GAB2: variants seen among roughly 807,000 people sequenced by gnomAD.
The protein encoded by GAB2 is GRB2 associated binding protein 2.
GAB2 carries 26 observed loss-of-function variants against 65.5 expected under a neutral mutation model. The observed-to-expected ratio is 0.40, with a 90% CI of 0.29 to 0.55. The LOEUF is 0.55. Ranked by LOEUF, GAB2 falls within the 20% of genes least tolerant of loss-of-function variation. The pLI is 0.53. For missense variants in GAB2, 884 were observed against 875.8 expected (o/e 1.01, Z -0.12); for synonymous variants, 321 against 329.6 (o/e 0.97, Z 0.28).
chr11:78,389,895 G>A (rs1292591874), intron 1 of GAB2, among the ~76,000 whole-genome samples: 1 of 152,108 alleles, frequency 6.6e-6, no homozygotes, highest in Non-Finnish European at 1.5e-5. Context: ...TGAAGTTCTT[G>A]CACACAGCAG....
At chr11:78,259,964 A>G (rs1346902530) in intron 2 of GAB2, among the ~76,000 whole-genome samples, 2 of 152,234 alleles carry the variant, frequency 1.3e-5, no homozygotes, top group Non-Finnish European at 2.9e-5. Flanking sequence ...TCAGGACACT[A>G]ACTGGACCAG....
At chr11:78,313,518 C>G (rs1855541668) in intron 1 of GAB2, among the ~76,000 whole-genome samples, 1 of 152,214 alleles carries the variant, frequency 6.6e-6, no homozygotes, top group Non-Finnish European at 1.5e-5. Context: ...TGCCCCACCT[C>G]AGGATCACCA....
chr11:78,222,083 AC>A, intron 7 of GAB2, 21 bp downstream of exon 7: 1 of 1,518,226 alleles, frequency 6.6e-7, no homozygotes, highest in Non-Finnish European at 9.2e-7. Flanking sequence ...CCAAGCTCCC[AC>A]CCCCACACAT....
At chr11:78,417,608 C>T (rs557826622) in intron 1 of GAB2, 38 bp downstream of exon 1, 6 of 1,205,918 alleles carry the variant, frequency 5.0e-6, no homozygotes, top group Non-Finnish European at 6.5e-6. Context: ...CCCCGGAGCG[C>T]CCCCCGCCCG....
chr11:78,266,605 T>C (rs772810298), intron 2 of GAB2, among the ~76,000 whole-genome samples: 47 of 152,318 alleles, frequency 3.1e-4, no homozygotes, highest in Non-Finnish European at 5.0e-4. Context: ...ACCCCCAATT[T>C]TTTATCTGGT....
chr11:78,292,027 T>TGAGA (rs1176415934), intron 1 of GAB2, among the ~76,000 whole-genome samples: 35 of 141,684 alleles, frequency 2.5e-4, no homozygotes, highest in African/African-American at 6.2e-4. Flanking sequence ...TGTGTGTGTG[T>TGAGA]GTGAGAGAGA....
At chr11:78,353,194 A>C (rs374027053) in intron 1 of GAB2, among the ~76,000 whole-genome samples, 14 of 152,170 alleles carry the variant, frequency 9.2e-5, no homozygotes, top group African/African-American at 2.9e-4. Flanking sequence ...TAATCCCAGC[A>C]CTTTGGGAGG....
chr11:78,381,149 C>A (rs1415504417), intron 1 of GAB2, among the ~76,000 whole-genome samples: 1 of 152,194 alleles, frequency 6.6e-6, no homozygotes, highest in African/African-American at 2.4e-5. Flanking sequence ...TTGAAGATCA[C>A]CTGCTCCTTT....
intron 1 of GAB2, among the ~76,000 whole-genome samples, chr11:78,322,061 C>G (rs1465570901): frequency 1.3e-5 from 2 of 151,962 alleles, no homozygotes; most frequent in Middle Eastern, 3.4e-3. Context: ...TCCCAGCACT[C>G]TGGGAGGCCG....
At chr11:78,242,142 G>A (rs914079988) in intron 3 of GAB2, among the ~76,000 whole-genome samples, 1 of 152,148 alleles carries the variant, frequency 6.6e-6, no homozygotes, top group Non-Finnish European at 1.5e-5. Flanking sequence ...TTTCAAAATT[G>A]TACAAATACA....
intron 1 of GAB2, among the ~76,000 whole-genome samples, chr11:78,414,957 A>G (rs1857175489): frequency 6.6e-6 from 1 of 152,068 alleles, no homozygotes; most frequent in Non-Finnish European, 1.5e-5. Context: ...CTGCAACCTC[A>G]GCCTCCCGGG....
At chr11:78,345,055 G>GA (rs1300887743) in intron 1 of GAB2, among the ~76,000 whole-genome samples, 1 of 152,188 alleles carries the variant, frequency 6.6e-6, no homozygotes, top group African/African-American at 2.4e-5. Context: ...GGAGGCGGGT[G>GA]AATCACTTGA....
At chr11:78,278,592 T>C (rs1443294939) in intron 2 of GAB2, among the ~76,000 whole-genome samples, 2 of 151,814 alleles carry the variant, frequency 1.3e-5, no homozygotes, top group African/African-American at 4.8e-5. Flanking sequence ...TTGGTCAGGA[T>C]GGTCTCGAAC....
intron 1 of GAB2, among the ~76,000 whole-genome samples, chr11:78,388,554 G>A (rs747531817): frequency 2.6e-4 from 39 of 149,472 alleles, no homozygotes; most frequent in Admixed American, 7.3e-4. Context: ...TCTCGAACTC[G>A]TGGGCTCAAG....
In GAB2 at chr11:78,226,600, G is replaced by T; in HGVS notation, c.1072C>A (p.Pro358Thr). The T allele has an allele frequency of 1.9e-6, 3 of 1,603,124 alleles. No individual in the cohort carries two copies. Among genetic ancestry groups the T allele is most frequent in the Non-Finnish European group, 2.6e-6 (3 of 1,176,288 alleles). The change falls in exon 4 of 10, where the codon CCA becomes ACA. Residue 358 changes from proline to threonine, a missense_variant. Coordinates refer to ENST00000361507, the MANE Select transcript of GAB2 (RefSeq NM_080491.3). ...AIAPPPRPPKPSQAETPRWGS... is the reference protein window; with the variant it reads ...AIAPPPRPPKTSQAETPRWGS... ...CATCGAGGTGTTTCTGCCTGACTTG[G>T]CTTGGGGGGGCGGGGTGGGGGAGCT...
In GAB2 at chr11:78,407,484, T is replaced by C. The variant is rs938355687; in HGVS notation, c.75+10162A>G. On this transcript the variant is annotated intron_variant, in intron 1 of 9. Coordinates refer to ENST00000361507, the MANE Select transcript of GAB2 (RefSeq NM_080491.3). ...TGTCTCTACCAAAAATACAAAAAAA[T>C]TAGCTGGGCGTGGTGGTGAGCGCCT... Among the ~76,000 whole-genome samples the C allele has an allele frequency of 5.3e-5, 8 of 151,460 alleles. No homozygotes were observed. In the East Asian group the frequency reaches 1.6e-3, roughly 29 times the overall value.
intron 1 of GAB2, among the ~76,000 whole-genome samples, chr11:78,320,868 G>A (rs968834315): frequency 6.6e-6 from 1 of 151,962 alleles, no homozygotes; most frequent in Non-Finnish European, 1.5e-5. Flanking sequence ...ACTGTGCCCA[G>A]TCTCAACTGG....
chr11:78,319,193 TTTTTTTCCTCCA>T (rs1255386578), intron 1 of GAB2, among the ~76,000 whole-genome samples: 7 of 152,118 alleles, frequency 4.6e-5, no homozygotes, highest in East Asian at 3.9e-4. Flanking sequence ...AAAAATGAAT[TTTTTTTCCTCCA>T]TTTTTTCCTC....
chr11:78,401,522 G>C (rs1189287596), intron 1 of GAB2, among the ~76,000 whole-genome samples: 6 of 150,124 alleles, frequency 4.0e-5, no homozygotes, highest in African/African-American at 1.5e-4. Context: ...GTGTGTGTGT[G>C]TGTGTGTGTG....
Sources: gnomAD v4.1 joint callset for allele counts (sites outside exome capture counted in the v4.1 genomes callset) on GRCh38, gnomAD v4.1.1 for gene constraint, MANE v1.5 for transcripts, NCBI Gene and HGNC (gene_info 2026-07-23, HGNC 2026-07-21) for gene names.